EPHA5: variants seen among roughly 807,000 people sequenced by gnomAD.
EPHA5 encodes the protein ephrin type-A receptor 5.
Under a neutral mutation model 105.0 loss-of-function variants are expected in EPHA5, and 60 were observed. The ratio of observed to expected loss-of-function variants is 0.57; its 90% CI spans 0.46 to 0.71. EPHA5 has a LOEUF of 0.71. EPHA5 is among the 30% of genes least tolerant of loss of function. EPHA5 has a pLI of 0.00. For synonymous variants in EPHA5, 513 were observed against 449.1 expected, an observed-to-expected ratio of 1.14 and a Z score of -1.80; for missense variants, 1,218 against 1,274.7, an observed-to-expected ratio of 0.96 and a Z score of 0.68.
intron 5 of EPHA5, among the ~76,000 whole-genome samples, chr4:65,485,101 G>C (rs1014034886): frequency 1.3e-5 from 2 of 151,566 alleles, no homozygotes; most frequent in African/African-American, 2.4e-5. Flanking sequence ...AAGATTAATA[G>C]CTTAATAATG....
At chr4:65,504,821 A>G (rs1472038489) in intron 3 of EPHA5, among the ~76,000 whole-genome samples, 1 of 152,042 alleles carries the variant, frequency 6.6e-6, no homozygotes, top group Non-Finnish European at 1.5e-5. Context: ...TATAATATAA[A>G]TACTTATCAT....
intron 3 of EPHA5, among the ~76,000 whole-genome samples, chr4:65,585,087 C>CA (rs1180108800): frequency 6.7e-6 from 1 of 149,740 alleles, no homozygotes; most frequent in African/African-American, 2.5e-5. Flanking sequence ...TCACTACCTG[C>CA]ATGCATGCAT....
intron 3 of EPHA5, among the ~76,000 whole-genome samples, chr4:65,597,842 A>C (rs1221248990): frequency 6.6e-6 from 1 of 152,104 alleles, no homozygotes; most frequent in Non-Finnish European, 1.5e-5. Context: ...AGGACTCCAG[A>C]CTCACTGCTT....
At chr4:65,488,655 T>TA (rs1209950937) in intron 5 of EPHA5, among the ~76,000 whole-genome samples, 1 of 152,168 alleles carries the variant, frequency 6.6e-6, no homozygotes, top group Non-Finnish European at 1.5e-5. Context: ...TAGTAAATGG[T>TA]AAAAAATATA....
chr4:65,365,256 T>TA, intron 10 of EPHA5, 54 bp from the exon 11 acceptor site: 1 of 1,463,760 alleles, frequency 6.8e-7, no homozygotes, highest in Non-Finnish European at 9.5e-7. Flanking sequence ...GTTAGTCTAT[T>TA]AACACTTGTA....
intron 5 of EPHA5, among the ~76,000 whole-genome samples, chr4:65,488,032 C>T (rs190366108): frequency 6.0e-4 from 92 of 152,184 alleles, no homozygotes; most frequent in African/African-American, 2.1e-3. Context: ...ACAGTGTATA[C>T]AGTGAGAAGT....
At chr4:65,444,313 T>C (rs1726307143) in intron 5 of EPHA5, among the ~76,000 whole-genome samples, 1 of 152,304 alleles carries the variant, frequency 6.6e-6, no homozygotes, top group Non-Finnish European at 1.5e-5. Context: ...TATATATACA[T>C]ATAATCTAGC....
chr4:65,517,858 C>A (rs1169666138), intron 3 of EPHA5, among the ~76,000 whole-genome samples: 1 of 151,918 alleles, frequency 6.6e-6, no homozygotes, highest in Non-Finnish European at 1.5e-5. Context: ...GTATTTAAAA[C>A]TAGACAACAT....
chr4:65,581,933 G>A (rs1376869659), intron 3 of EPHA5, among the ~76,000 whole-genome samples: 1 of 151,684 alleles, frequency 6.6e-6, no homozygotes, highest in African/African-American at 2.4e-5. Context: ...TAACTGAAAA[G>A]GCAGGAAGTA....
In EPHA5 at chr4:65,669,816, G is replaced by T. The variant is rs2149573050; in HGVS notation, c.-74C>A. ...CGCTTCGGCCTCGCAGAGCGGCGAAGGGAGACTCGGGAGTCCTCCTTGTCC... is the reference window on the plus strand; with the variant it reads ...CGCTTCGGCCTCGCAGAGCGGCGAATGGAGACTCGGGAGTCCTCCTTGTCC... On this transcript the variant is annotated 5_prime_UTR_variant, in exon 1 of 17. Coordinates refer to ENST00000613740, the MANE Select transcript of EPHA5 (RefSeq NM_001281766.3). 1 of 1,233,634 alleles carries T rather than the reference G, an allele frequency of 8.1e-7. No individual in the cohort carries two copies. Among genetic ancestry groups the T allele is most frequent in the South Asian group, 4.0e-5 (1 of 24,736 alleles). 76.4% of individuals were successfully genotyped at this position (1,233,634 alleles called of 1,614,324 possible).
At chr4:65,512,607 C>T (rs1241383057) in intron 3 of EPHA5, among the ~76,000 whole-genome samples, 1 of 152,076 alleles carries the variant, frequency 6.6e-6, no homozygotes, top group Non-Finnish European at 1.5e-5. Flanking sequence ...TTCTCCTTCA[C>T]GGTCTACCAT....
At chr4:65,523,549 T>A (rs139262611) in intron 3 of EPHA5, among the ~76,000 whole-genome samples, 397 of 152,114 alleles carry the variant, frequency 2.6e-3, no homozygotes, top group African/African-American at 9.0e-3. Context: ...GATGAAAAAC[T>A]TTTTATAACC....
In EPHA5 at chr4:65,395,275, G is replaced by C. The variant is rs540036486; in HGVS notation, c.1793+9099C>G. Among the ~76,000 whole-genome samples, 3 of 152,210 alleles carry C rather than the reference G, an allele frequency of 2.0e-5. No homozygotes were observed. The South Asian group carries it at 6.2e-4, about 32-fold the overall frequency. Reference sequence around the variant, plus strand: ...CTGTAATTGTGTTTTATAAAAGTTTGACTACTTATCACGCTACTAAGTAAG... The same window carrying C: ...CTGTAATTGTGTTTTATAAAAGTTTCACTACTTATCACGCTACTAAGTAAG... On this transcript the variant is annotated intron_variant, in intron 8 of 16. Transcript: ENST00000613740.
At chr4:65,431,592 C>T (rs748699179) in intron 5 of EPHA5, among the ~76,000 whole-genome samples, 1 of 152,066 alleles carries the variant, frequency 6.6e-6, no homozygotes, top group Non-Finnish European at 1.5e-5. Flanking sequence ...TCTTCCCGAC[C>T]TCCCTCCTTT....
intron 2 of EPHA5, among the ~76,000 whole-genome samples, chr4:65,628,848 G>A (rs1238525816): frequency 1.3e-5 from 2 of 152,052 alleles, no homozygotes; most frequent in Non-Finnish European, 2.9e-5. Flanking sequence ...ATCAACCAAA[G>A]TCCATGCATG....
chr4:65,527,838 C>T (rs956394451), intron 3 of EPHA5, among the ~76,000 whole-genome samples: 1 of 152,056 alleles, frequency 6.6e-6, no homozygotes, highest in Admixed American at 6.6e-5. Context: ...TTCTCTCCCT[C>T]CTCCCATTCT....
intron 2 of EPHA5, among the ~76,000 whole-genome samples, chr4:65,632,381 G>A (rs1480363463): frequency 6.6e-6 from 1 of 151,188 alleles, no homozygotes; most frequent in Non-Finnish European, 1.5e-5. Flanking sequence ...CAGAAACTGA[G>A]TCCTGTTTAC....
At chr4:65,568,737 A>G (rs1739817839) in intron 3 of EPHA5, among the ~76,000 whole-genome samples, 1 of 151,004 alleles carries the variant, frequency 6.6e-6, no homozygotes, top group South Asian at 2.1e-4. Flanking sequence ...CACTTTTTCA[A>G]ACCATAACTG....
Position 65,670,102 on chromosome 4 carries a change from G to C in EPHA5, c.-360C>G, listed in dbSNP as rs1426554789. 1.4e-5 allele frequency: 4 copies of C among 290,532 alleles called. No homozygotes were observed. The highest frequency in any genetic ancestry group is 8.5e-5 in the African/African-American group (4 of 47,022). 18.0% of individuals were successfully genotyped at this position (290,532 alleles called of 1,614,324 possible). A position where few individuals can be genotyped will look rare whatever the true frequency, so the allele number is the denominator to read the frequency against. On this transcript the variant is annotated 5_prime_UTR_variant, in exon 1 of 17. Transcript: ENST00000613740. ...TAAATACCACTAGGGGAAAGGTGAA[G>C]GTTCTTTGCAGCCTTCAGTGTTGAA...
Sources: allele counts gnomAD v4.1 joint callset (sites outside exome capture counted in the v4.1 genomes callset), GRCh38; gene constraint gnomAD v4.1.1; transcripts MANE v1.5; gene names NCBI Gene and HGNC (gene_info 2026-07-23, HGNC 2026-07-21).